RBMS1: variants seen among roughly 807,000 people sequenced by gnomAD.
RBMS1 encodes RNA-binding motif, single-stranded-interacting protein 1.
Under a neutral mutation model 62.3 loss-of-function variants are expected in RBMS1, and 17 were observed. That is an observed-to-expected ratio of 0.27 (90% CI 0.19 to 0.41). The LOEUF is 0.41. Ranked by LOEUF, RBMS1 falls within the 10% of genes least tolerant of loss-of-function variation. The probability of loss-of-function intolerance (pLI) is 1.00; values close to 1 mark genes in which losing one functional copy is unlikely to be tolerated. For synonymous variants in RBMS1, 172 were observed against 170.0 expected, an observed-to-expected ratio of 1.01 and a Z score of -0.09; for missense variants, 334 against 504.5, an observed-to-expected ratio of 0.66 and a Z score of 3.24.
chr2:160,369,688 C>T lies in RBMS1; in HGVS notation c.76-2297G>A, dbSNP rs545537191. On this transcript the variant is annotated intron_variant, in intron 1 of 13. Coordinates refer to ENST00000348849, the MANE Select transcript of RBMS1 (RefSeq NM_016836.4). The stretch of plus-strand genomic sequence containing the variant: ...GAGACTTGGAGAAGTCAGTAAGAAG[C>T]TGTGGATCAGGCCCGCCCCTACCTC... 2.6e-5 allele frequency among the ~76,000 whole-genome samples: 4 copies of T among 152,312 alleles called. No homozygotes were observed. In the South Asian group the frequency reaches 8.3e-4, roughly 32 times the overall value.
intron 1 of RBMS1, among the ~76,000 whole-genome samples, chr2:160,442,567 A>C (rs1683453417): frequency 6.6e-6 from 1 of 152,244 alleles, no homozygotes; most frequent in Non-Finnish European, 1.5e-5. Flanking sequence ...TTTAAACTGC[A>C]CATCCTACAG....
In RBMS1 at chr2:160,273,990, C is replaced by T. The variant is rs1341774574; in HGVS notation, c.*782G>A. On this transcript the variant is annotated 3_prime_UTR_variant, in exon 14 of 14. Coordinates refer to ENST00000348849, the MANE Select transcript of RBMS1 (RefSeq NM_016836.4). The stretch of plus-strand genomic sequence containing the variant: ...ATTATGTGAAAAATCATTAAAAACA[C>T]CTACTACATATTTAAAAAAGCCAAA... The T allele has an allele frequency of 2.0e-5, 3 of 152,610 alleles. No individual in the cohort carries two copies. The East Asian group carries it at 5.8e-4, about 29-fold the overall frequency. The allele number at this position is 152,610 out of a possible 1,614,324, so 9.5% of individuals were successfully genotyped here. A position where few individuals can be genotyped will look rare whatever the true frequency, so the allele number is the denominator to read the frequency against.
At chr2:160,368,279 G>A (rs998264599) in intron 1 of RBMS1, among the ~76,000 whole-genome samples, 1 of 152,192 alleles carries the variant, frequency 6.6e-6, no homozygotes, top group Non-Finnish European at 1.5e-5. Context: ...TTCACACCAG[G>A]ACAGGGACGT....
chr2:160,363,781 T>C (rs1011099344), intron 2 of RBMS1, among the ~76,000 whole-genome samples: 1 of 151,742 alleles, frequency 6.6e-6, no homozygotes, highest in Non-Finnish European at 1.5e-5. Context: ...AATATTCAAA[T>C]GGAAAATGTG....
At chr2:160,310,371 C>T (rs1689782603) in intron 4 of RBMS1, among the ~76,000 whole-genome samples, 1 of 152,156 alleles carries the variant, frequency 6.6e-6, no homozygotes, top group Non-Finnish European at 1.5e-5. Context: ...ACACACATCC[C>T]TTATGTTGAC....
At chr2:160,395,453 T>C (rs1695086482) in intron 1 of RBMS1, among the ~76,000 whole-genome samples, 1 of 151,908 alleles carries the variant, frequency 6.6e-6, no homozygotes, top group Non-Finnish European at 1.5e-5. Context: ...TGAAACCCCG[T>C]CTCTACTAAA....
chr2:160,336,603 A>C (rs1691583914), intron 2 of RBMS1, among the ~76,000 whole-genome samples: 1 of 152,182 alleles, frequency 6.6e-6, no homozygotes, highest in Non-Finnish European at 1.5e-5. Flanking sequence ...AAAACAGATG[A>C]AATTATTTTC....
At chr2:160,320,530 T>G (rs545459100) in intron 2 of RBMS1, among the ~76,000 whole-genome samples, 6 of 152,256 alleles carry the variant, frequency 3.9e-5, no homozygotes, top group South Asian at 2.1e-4. Flanking sequence ...GTGTCTGGGT[T>G]GTGGGGGTGG....
At chr2:160,482,030 A>C (rs2105358064) in intron 1 of RBMS1, among the ~76,000 whole-genome samples, 1 of 152,346 alleles carries the variant, frequency 6.6e-6, no homozygotes, top group South Asian at 2.1e-4. Context: ...AATTGTATTC[A>C]AAATAGTCTT....
chr2:160,297,929 T>C (rs1443531187), intron 6 of RBMS1, among the ~76,000 whole-genome samples: 1 of 152,204 alleles, frequency 6.6e-6, no homozygotes, highest in African/African-American at 2.4e-5. Context: ...CCTCAATCTT[T>C]CCTTCTAACT....
intron 3 of RBMS1, 25 bp downstream of exon 3, chr2:160,318,144 C>G: frequency 6.4e-7 from 1 of 1,555,198 alleles, no homozygotes; most frequent in South Asian, 1.2e-5. Flanking sequence ...TATCATTTAC[C>G]AAATAACCAG....
intron 6 of RBMS1, among the ~76,000 whole-genome samples, chr2:160,288,350 T>G (rs1688513016): frequency 6.6e-6 from 1 of 152,248 alleles, no homozygotes; most frequent in Non-Finnish European, 1.5e-5. Flanking sequence ...AATTCATCTC[T>G]TATTTTATTT....
At chr2:160,278,374 CAATT>C (rs1269422580) in intron 11 of RBMS1, 170 bp downstream of exon 11, 5 of 633,426 alleles carry the variant, frequency 7.9e-6, no homozygotes, top group African/African-American at 5.5e-5. Context: ...TTCAGTTCAT[CAATT>C]AATTAAGAAA....
At chr2:160,488,954 A>G (rs563043492) in intron 1 of RBMS1, among the ~76,000 whole-genome samples, 1 of 152,358 alleles carries the variant, frequency 6.6e-6, no homozygotes, top group Admixed American at 6.5e-5. Flanking sequence ...TTGAATGTAT[A>G]TTACATGGAA....
At chr2:160,366,258 T>C (rs895003974) in intron 2 of RBMS1, among the ~76,000 whole-genome samples, 1 of 152,186 alleles carries the variant, frequency 6.6e-6, no homozygotes, top group African/African-American at 2.4e-5. Context: ...AATTTTTTTT[T>C]CTTAAAAAAA....
At chr2:160,416,952 C>A (rs1696233991) in intron 1 of RBMS1, among the ~76,000 whole-genome samples, 1 of 152,158 alleles carries the variant, frequency 6.6e-6, no homozygotes, top group Non-Finnish European at 1.5e-5. Flanking sequence ...AGTGCTTTTT[C>A]TCTGTATTCT....
At chr2:160,394,213 G>A (rs1022082527) in intron 1 of RBMS1, among the ~76,000 whole-genome samples, 3 of 152,156 alleles carry the variant, frequency 2.0e-5, no homozygotes, top group African/African-American at 7.2e-5. Context: ...AACAAAGGAT[G>A]ATCAAGTGGC....
At chr2:160,293,121 CT>C (rs900104084) in intron 6 of RBMS1, among the ~76,000 whole-genome samples, 1 of 152,172 alleles carries the variant, frequency 6.6e-6, no homozygotes, top group Non-Finnish European at 1.5e-5. Context: ...TCAAGTATTT[CT>C]TTTGTCCTAG....
intron 6 of RBMS1, among the ~76,000 whole-genome samples, chr2:160,291,872 A>G (rs576106444): frequency 2.0e-5 from 3 of 152,194 alleles, no homozygotes; most frequent in Non-Finnish European, 4.4e-5. Context: ...TACAAAACAA[A>G]AACTCCATAC....
Sources: gnomAD v4.1 joint callset for allele counts (sites outside exome capture counted in the v4.1 genomes callset) on GRCh38, gnomAD v4.1.1 for gene constraint, MANE v1.5 for transcripts, NCBI Gene and HGNC (gene_info 2026-07-23, HGNC 2026-07-21) for gene names.